Variants in ARL5A observed in about 807,000 individuals in gnomAD.
The protein encoded by ARL5A is ADP-ribosylation factor-like protein 5A.
In ARL5A, 18 loss-of-function variants were observed where a neutral mutation model predicts 25.9. That is an observed-to-expected ratio of 0.69 (90% CI 0.48 to 1.03). The LOEUF (loss-of-function observed/expected upper bound fraction) is 1.03, where lower values mean the gene tolerates loss of function less well. Among genes scored for constraint, ARL5A ranks in the 50% least tolerant of loss-of-function variants. The pLI, the probability that ARL5A is intolerant of heterozygous loss-of-function variation, is 0.00. For synonymous variants in ARL5A, 61 were observed against 67.5 expected (o/e 0.90, Z 0.47); for missense variants, 170 against 211.9 (o/e 0.80, Z 1.23).
At chr2:151,812,221 T>C (rs2099830939) in intron 4 of ARL5A, 136 bp downstream of exon 4, 6 of 517,606 alleles carry the variant, frequency 1.2e-5, no homozygotes, top group Non-Finnish European at 2.0e-5. Context: ...GTCAGAGTAA[T>C]TGAGCAGTGT....
intron 1 of ARL5A, among the ~76,000 whole-genome samples, chr2:151,820,480 C>T (rs148637315): frequency 0.013 from 1,975 of 151,530 alleles, 51 homozygotes; most frequent in African/African-American, 0.046. Flanking sequence ...GCCAACATGG[C>T]GAAACCCCGT....
intron 1 of ARL5A, among the ~76,000 whole-genome samples, chr2:151,817,989 A>G (rs2099831752): frequency 6.6e-6 from 1 of 152,202 alleles, no homozygotes; most frequent in Non-Finnish European, 1.5e-5. Context: ...CTGGGCAACA[A>G]GAGCGAAACC....
At chr2:151,823,605 C>T (rs2099832650) in intron 1 of ARL5A, among the ~76,000 whole-genome samples, 1 of 152,150 alleles carries the variant, frequency 6.6e-6, no homozygotes, top group Non-Finnish European at 1.5e-5. Flanking sequence ...GAAGCACTCA[C>T]TATCCCTAGG....
At chr2:151,824,497 T>TAATAATAAC (rs2099832771) in intron 1 of ARL5A, among the ~76,000 whole-genome samples, 1 of 152,012 alleles carries the variant, frequency 6.6e-6, no homozygotes, top group Non-Finnish European at 1.5e-5. Flanking sequence ...ATAATAATAA[T>TAATAATAAC]AATAATAACA....
intron 5 of ARL5A, among the ~76,000 whole-genome samples, chr2:151,805,651 A>G (rs1230937340): frequency 6.6e-6 from 1 of 152,160 alleles, no homozygotes; most frequent in Non-Finnish European, 1.5e-5. Context: ...CTCCCAGGCT[A>G]CACACCTATA....
rs72995401 is a variant in ARL5A, at chr2:151,824,745, G to A, written c.46+3386C>T. On this transcript the variant is annotated intron_variant, in intron 1 of 5. Coordinates refer to ENST00000295087, the MANE Select transcript of ARL5A (RefSeq NM_012097.4). ...CTTACACGAAGTTGTGTGCAAATGT[G>A]CGTGCGTGCATGTGTGTGTAGAACT... is the stretch of plus-strand genomic sequence containing the variant. Among the ~76,000 whole-genome samples the A allele has an allele frequency of 2.2e-3, 330 of 152,258 alleles. 1 individual carries two copies. Among genetic ancestry groups the A allele is most frequent in the African/African-American group, 7.6e-3 (316 of 41,542 alleles).
intron 1 of ARL5A, among the ~76,000 whole-genome samples, chr2:151,824,812 T>C (rs1029463214): frequency 6.6e-6 from 1 of 152,164 alleles, no homozygotes; most frequent in African/African-American, 2.4e-5. Flanking sequence ...CAGGTGTGTG[T>C]GCGTAGGAGA....
chr2:151,823,045 C>A (rs112167679), intron 1 of ARL5A, among the ~76,000 whole-genome samples: 117 of 152,204 alleles, frequency 7.7e-4, no homozygotes, highest in African/African-American at 2.6e-3. Context: ...TCAGAAAACA[C>A]AAAAACACCA....
Position 151,805,316 on chromosome 2 carries a change from C to T in ARL5A, c.491+1505G>A, listed in dbSNP as rs570553976. Among the ~76,000 whole-genome samples the T allele has an allele frequency of 3.3e-5, 5 of 151,972 alleles. No homozygotes were observed. The South Asian group carries it at 1.0e-3, about 32-fold the overall frequency. ...CTATTAAGATTTGCCTTCAATAATT[C>T]GTTATATTTGGTTCACCCTTCATCG... On this transcript the variant is annotated intron_variant, in intron 5 of 5. Transcript: ENST00000295087.
At chr2:151,803,502 A>T (rs1306624999) in intron 5 of ARL5A, among the ~76,000 whole-genome samples, 178 bp from the exon 6 acceptor site, 1 of 152,108 alleles carries the variant, frequency 6.6e-6, no homozygotes, top group African/African-American at 2.4e-5. Context: ...TACACAATAC[A>T]TCTGTGCTTT....
At chr2:151,808,165 T>C (rs1325945528) in intron 4 of ARL5A, among the ~76,000 whole-genome samples, 1 of 152,232 alleles carries the variant, frequency 6.6e-6, no homozygotes, top group South Asian at 2.1e-4. Flanking sequence ...CCATGAAGGA[T>C]GTACTCAATT....
intron 1 of ARL5A, among the ~76,000 whole-genome samples, chr2:151,824,772 ACT>A (rs1360560015): frequency 2.6e-5 from 4 of 152,152 alleles, no homozygotes; most frequent in Non-Finnish European, 4.4e-5. Flanking sequence ...TGTAGAACTA[ACT>A]CTGGCACTAG....
intron 5 of ARL5A, among the ~76,000 whole-genome samples, chr2:151,803,797 C>A (rs1018169856): frequency 7.9e-5 from 12 of 152,318 alleles, no homozygotes; most frequent in African/African-American, 2.9e-4. Flanking sequence ...AAAAATATAT[C>A]TGGCAATACG....
At chr2:151,822,371 G>A (rs1422540023) in intron 1 of ARL5A, among the ~76,000 whole-genome samples, 1 of 152,122 alleles carries the variant, frequency 6.6e-6, no homozygotes, top group Non-Finnish European at 1.5e-5. Context: ...GTCACAATGA[G>A]AACTATAAAA....
chr2:151,811,493 T>A (rs1317811648), intron 4 of ARL5A, among the ~76,000 whole-genome samples: 1 of 152,048 alleles, frequency 6.6e-6, no homozygotes, highest in East Asian at 1.9e-4. Flanking sequence ...TATTATTCAG[T>A]TTTTTAAATT....
intron 1 of ARL5A, among the ~76,000 whole-genome samples, chr2:151,822,837 ATACTT>A (rs1021856905): frequency 6.6e-6 from 1 of 152,172 alleles, no homozygotes; most frequent in Non-Finnish European, 1.5e-5. Context: ...ATACCAATCA[ATACTT>A]TACTGTTTTG....
At chr2:151,804,339 A>T (rs2099829810) in intron 5 of ARL5A, among the ~76,000 whole-genome samples, 1 of 152,244 alleles carries the variant, frequency 6.6e-6, no homozygotes. Context: ...ATGGTTGTAC[A>T]CATTAAGTTG....
chr2:151,820,660 CAAA>C (rs71410438), intron 1 of ARL5A, among the ~76,000 whole-genome samples: 3 of 45,062 alleles, frequency 6.7e-5, no homozygotes, highest in African/African-American at 3.0e-4. Context: ...ATCCTGTCTC[CAAA>C]AAAAAAAAAA....
intron 4 of ARL5A, chr2:151,810,612 TA>T: frequency 2.3e-6 from 1 of 435,506 alleles, no homozygotes; most frequent in Non-Finnish European, 4.6e-6. Context: ...ACCTGGCTCT[TA>T]AAAAGCTAGT....
Sources: gnomAD v4.1 joint callset for allele counts (sites outside exome capture counted in the v4.1 genomes callset) on GRCh38, gnomAD v4.1.1 for gene constraint, MANE v1.5 for transcripts, NCBI Gene and HGNC (gene_info 2026-07-23, HGNC 2026-07-21) for gene names.